The following TBC1D19 variants were observed in gnomAD, a reference collection of about 807,000 sequenced individuals.
The protein encoded by TBC1D19 is TBC1 domain family member 19.
In TBC1D19, 60 loss-of-function variants were observed where a neutral mutation model predicts 89.0. That is an observed-to-expected ratio of 0.67 (90% CI 0.55 to 0.84). The LOEUF (loss-of-function observed/expected upper bound fraction) is 0.84. TBC1D19 is among the 40% of genes least tolerant of loss of function. The pLI, the probability that TBC1D19 is intolerant of heterozygous loss-of-function variation, is 0.00. For synonymous variants in TBC1D19, 189 were observed against 199.7 expected (o/e 0.95, Z 0.45); for missense variants, 500 against 610.8 (o/e 0.82, Z 1.91).
At chr4:26,617,576 C>G (rs1157831086) in intron 3 of TBC1D19, among the ~76,000 whole-genome samples, 1 of 152,196 alleles carries the variant, frequency 6.6e-6, no homozygotes, top group East Asian at 1.9e-4. Context: ...ATTGAGTCAG[C>G]AAATAGTTAT....
chr4:26,760,513 G>A (rs944801414), downstream of TBC1D19, among the ~76,000 whole-genome samples: 2 of 152,128 alleles, frequency 1.3e-5, no homozygotes, highest in African/African-American at 4.8e-5. Context: ...GGGGGTTAAG[G>A]CTGCAGTGAG....
chr4:26,814,980 C>T, the TBC1D19 span, among the ~76,000 whole-genome samples: 1 of 151,882 alleles, frequency 6.6e-6, no homozygotes, highest in Non-Finnish European at 1.5e-5. Context: ...TATGATTGCA[C>T]CACTGCACTC....
intron 15 of TBC1D19, among the ~76,000 whole-genome samples, chr4:26,721,782 C>G (rs1716992707): frequency 6.6e-6 from 1 of 152,070 alleles, no homozygotes; most frequent in African/African-American, 2.4e-5. Context: ...ATAGCAATAT[C>G]AAACTATTTA....
At chr4:26,703,110 C>A (rs868780434) in intron 13 of TBC1D19, among the ~76,000 whole-genome samples, 4 of 152,074 alleles carry the variant, frequency 2.6e-5, no homozygotes, top group South Asian at 4.2e-4. Context: ...TCTAAATAAG[C>A]TTTAATGTGG....
At chr4:26,600,016 A>G (rs1342734467) in intron 1 of TBC1D19, among the ~76,000 whole-genome samples, 2 of 151,358 alleles carry the variant, frequency 1.3e-5, no homozygotes, top group Non-Finnish European at 1.5e-5. Context: ...GGTGATTAGC[A>G]TCAGATCAGC....
intron 13 of TBC1D19, among the ~76,000 whole-genome samples, chr4:26,707,413 A>G (rs191522789): frequency 2.0e-5 from 3 of 152,096 alleles, no homozygotes; most frequent in East Asian, 1.9e-4. Context: ...AACTTTTAAT[A>G]TATTTATGTC....
At chr4:26,836,069 C>T in the TBC1D19 span, among the ~76,000 whole-genome samples, 1 of 151,712 alleles carries the variant, frequency 6.6e-6, no homozygotes, top group East Asian at 1.9e-4. Flanking sequence ...CTGGCCCTTG[C>T]CTCTTTGGCT....
At chr4:26,747,516 C>G (rs1718714923) in intron 18 of TBC1D19, among the ~76,000 whole-genome samples, 1 of 152,118 alleles carries the variant, frequency 6.6e-6, no homozygotes, top group South Asian at 2.1e-4. Context: ...TACAATGACA[C>G]CAACCAAGGC....
the TBC1D19 span, among the ~76,000 whole-genome samples, chr4:26,819,708 G>C: frequency 6.6e-6 from 1 of 152,272 alleles, no homozygotes; most frequent in South Asian, 2.1e-4. Context: ...ATCTCACTCA[G>C]AGTAAATTTC....
At chr4:26,597,192 G>A (rs1265707900) in intron 1 of TBC1D19, among the ~76,000 whole-genome samples, 2 of 152,034 alleles carry the variant, frequency 1.3e-5, no homozygotes, top group African/African-American at 2.4e-5. Flanking sequence ...TTATGTATTA[G>A]TCTATTTCTC....
At chr4:26,841,152 G>A in the TBC1D19 span, among the ~76,000 whole-genome samples, 4 of 152,264 alleles carry the variant, frequency 2.6e-5, no homozygotes, top group East Asian at 3.9e-4. Flanking sequence ...TAAGGTGGGC[G>A]GATCACCTGA....
At chr4:26,681,676 G>A (rs1035868365) in intron 11 of TBC1D19, among the ~76,000 whole-genome samples, 1 of 152,170 alleles carries the variant, frequency 6.6e-6, no homozygotes, top group Admixed American at 6.5e-5. Flanking sequence ...CAAACAACCT[G>A]AGTATCCATC....
intron 13 of TBC1D19, among the ~76,000 whole-genome samples, chr4:26,710,095 T>C (rs1247561716): frequency 6.6e-6 from 1 of 152,086 alleles, no homozygotes; most frequent in Non-Finnish European, 1.5e-5. Flanking sequence ...GTTTGTTACA[T>C]ATGTATACAT....
At chr4:26,832,774 C>T in the TBC1D19 span, among the ~76,000 whole-genome samples, 2 of 152,162 alleles carry the variant, frequency 1.3e-5, no homozygotes, top group Admixed American at 6.5e-5. Flanking sequence ...AGGCAGATCA[C>T]TTGAGGTCAG....
intron 13 of TBC1D19, among the ~76,000 whole-genome samples, chr4:26,692,306 T>C (rs1268455412): frequency 6.6e-6 from 1 of 152,146 alleles, no homozygotes; most frequent in Non-Finnish European, 1.5e-5. Flanking sequence ...TTCCTTCCCA[T>C]AGGGCAGAGA....
At chr4:26,849,838 C>A in the TBC1D19 span, among the ~76,000 whole-genome samples, 1 of 152,202 alleles carries the variant, frequency 6.6e-6, no homozygotes, top group South Asian at 2.1e-4. Context: ...AACATACTTA[C>A]ACCTGCAACA....
At chr4:26,800,629 A>G in the TBC1D19 span, among the ~76,000 whole-genome samples, 1 of 152,178 alleles carries the variant, frequency 6.6e-6, no homozygotes, top group South Asian at 2.1e-4. Flanking sequence ...CCAACAGTGT[A>G]AAAGTGTTCC....
chr4:26,797,070 T>C, the TBC1D19 span, among the ~76,000 whole-genome samples: 1 of 152,260 alleles, frequency 6.6e-6, no homozygotes, highest in African/African-American at 2.4e-5. Context: ...GGCATCCAAA[T>C]TGGAAAAGAA....
the TBC1D19 span, among the ~76,000 whole-genome samples, chr4:26,822,751 A>T: frequency 0.021 from 3,183 of 152,318 alleles, 68 homozygotes; most frequent in African/African-American, 0.051. Context: ...ACAGCGGGGA[A>T]GCACTAAGCC....
Sources: allele counts gnomAD v4.1 joint callset (sites outside exome capture counted in the v4.1 genomes callset), GRCh38; gene constraint gnomAD v4.1.1; transcripts MANE v1.5; gene names NCBI Gene and HGNC (gene_info 2026-07-23, HGNC 2026-07-21).